GRXCR1: variants seen among roughly 807,000 people sequenced by gnomAD.
The protein encoded by GRXCR1 is glutaredoxin and cysteine rich domain containing 1.
A neutral mutation model predicts 27.3 loss-of-function variants in GRXCR1; 27 were observed. The observed-to-expected ratio is 0.99, with a 90% CI of 0.73 to 1.37. The LOEUF is 1.37. Among genes scored for constraint, GRXCR1 ranks in the 40% most tolerant of loss-of-function variants. The pLI is 0.00. For synonymous variants in GRXCR1, 122 were observed against 131.1 expected (o/e 0.93, Z 0.47); for missense variants, 379 against 354.4 (o/e 1.07, Z -0.56).
chr4:43,016,820 T>G (rs1712948055), intron 2 of GRXCR1, among the ~76,000 whole-genome samples: 1 of 152,218 alleles, frequency 6.6e-6, no homozygotes, highest in Admixed American at 6.5e-5. Flanking sequence ...TCTGGCAATC[T>G]TAGTTGGCAG....
rs150247474 is a variant in GRXCR1 at position 42,898,564 on chromosome 4, C to T, written c.384+4914C>T. Among the ~76,000 whole-genome samples the T allele has an allele frequency of 3.2e-3, 487 of 152,116 alleles. 1 individual carries two copies. Among genetic ancestry groups the T allele is most frequent in the Non-Finnish European group, 4.3e-3 (289 of 67,968 alleles). On this transcript the variant is annotated intron_variant, in intron 1 of 3. Transcript: ENST00000399770. Reference sequence around the variant, plus strand: ...AAAAACAAGGTGATATTCTTGATGACTCCTTAGTCCCAGTGGTTCATTTGG... The same window carrying T: ...AAAAACAAGGTGATATTCTTGATGATTCCTTAGTCCCAGTGGTTCATTTGG...
intron 1 of GRXCR1, among the ~76,000 whole-genome samples, chr4:42,910,971 T>C (rs1746711020): frequency 6.6e-6 from 1 of 152,182 alleles, no homozygotes; most frequent in African/African-American, 2.4e-5. Flanking sequence ...AAGTCTTCTA[T>C]AGCTCTTGTA....
chr4:43,006,930 G>A (rs1452249185), intron 2 of GRXCR1, among the ~76,000 whole-genome samples: 2 of 152,078 alleles, frequency 1.3e-5, no homozygotes, highest in African/African-American at 4.8e-5. Context: ...TTCTCAAGCT[G>A]GCTGACACTT....
At chr4:43,028,399 A>G (rs539251704) in intron 3 of GRXCR1, among the ~76,000 whole-genome samples, 1 of 152,246 alleles carries the variant, frequency 6.6e-6, no homozygotes, top group African/African-American at 2.4e-5. Context: ...AAATCTGACA[A>G]CTCTACTTTA....
intron 1 of GRXCR1, among the ~76,000 whole-genome samples, chr4:42,947,271 G>T (rs999463671): frequency 1.3e-5 from 2 of 151,994 alleles, no homozygotes; most frequent in Non-Finnish European, 2.9e-5. Flanking sequence ...GGGAAAGAGT[G>T]ACCCTAGCTG....
At chr4:42,945,442 T>TCTGCTTCTTCTTTCCTTC (rs1226836768) in intron 1 of GRXCR1, among the ~76,000 whole-genome samples, 32 of 152,190 alleles carry the variant, frequency 2.1e-4, no homozygotes, top group Non-Finnish European at 3.4e-4. Flanking sequence ...TTTTTTCCTT[T>TCTGCTTCTTCTTTCCTTC]CTGCTTCTTC....
chr4:42,932,233 C>G (rs1397048424), intron 1 of GRXCR1, among the ~76,000 whole-genome samples: 1 of 151,754 alleles, frequency 6.6e-6, no homozygotes, highest in Admixed American at 6.6e-5. Context: ...CGCTGCCCTC[C>G]TCTTGATGTA....
chr4:42,968,799 C>T (rs1042462569), intron 2 of GRXCR1, among the ~76,000 whole-genome samples: 15 of 151,996 alleles, frequency 9.9e-5, no homozygotes, highest in African/African-American at 3.6e-4. Flanking sequence ...TCAGGAATCT[C>T]ACCCAACTTC....
intron 2 of GRXCR1, among the ~76,000 whole-genome samples, chr4:42,995,012 T>C (rs1352075779): frequency 6.6e-6 from 1 of 152,184 alleles, no homozygotes; most frequent in Non-Finnish European, 1.5e-5. Flanking sequence ...TATGGTGACA[T>C]TCACAATAAA....
At chr4:42,927,999 C>T (rs1577908866) in intron 1 of GRXCR1, among the ~76,000 whole-genome samples, 1 of 151,938 alleles carries the variant, frequency 6.6e-6, no homozygotes, top group East Asian at 1.9e-4. Flanking sequence ...GAGCTCAATC[C>T]TGTATAGAAC....
At chr4:42,960,285 A>C (rs1357807892) in intron 1 of GRXCR1, among the ~76,000 whole-genome samples, 1 of 152,016 alleles carries the variant, frequency 6.6e-6, no homozygotes, top group Non-Finnish European at 1.5e-5. Context: ...ATGCAGTAAT[A>C]GTAGTCTTTG....
intron 1 of GRXCR1, among the ~76,000 whole-genome samples, chr4:42,926,717 G>A (rs542378676): frequency 6.6e-6 from 1 of 151,882 alleles, no homozygotes; most frequent in South Asian, 2.1e-4. Flanking sequence ...CTCTAATTGG[G>A]GATGATAGCT....
At chr4:43,018,205 TG>T (rs887635985) in intron 2 of GRXCR1, among the ~76,000 whole-genome samples, 14 of 152,092 alleles carry the variant, frequency 9.2e-5, no homozygotes, top group African/African-American at 3.1e-4. Context: ...GCATGTGGCA[TG>T]GGGACCAAAG....
At chr4:42,954,784 T>C (rs375612805) in intron 1 of GRXCR1, among the ~76,000 whole-genome samples, 42 of 151,350 alleles carry the variant, frequency 2.8e-4, no homozygotes, top group African/African-American at 1.0e-3. Context: ...GAATAGAGAG[T>C]ATGGTTAGAA....
At chr4:42,895,263 G>GA (rs943601656) in intron 1 of GRXCR1, among the ~76,000 whole-genome samples, 17 of 151,950 alleles carry the variant, frequency 1.1e-4, no homozygotes, top group African/African-American at 3.9e-4. Context: ...CCCATTTTGA[G>GA]AAAAAAGCAA....
intron 1 of GRXCR1, among the ~76,000 whole-genome samples, chr4:42,897,303 AT>A (rs1456928743): frequency 6.6e-6 from 1 of 152,038 alleles, no homozygotes; most frequent in Non-Finnish European, 1.5e-5. Context: ...TCAGACAGCG[AT>A]TTTTTTCTTG....
At chr4:43,022,392 C>T (rs1713123222) in intron 3 of GRXCR1, among the ~76,000 whole-genome samples, 1 of 152,068 alleles carries the variant, frequency 6.6e-6, no homozygotes. Flanking sequence ...ATCAACAGTA[C>T]CATGGTAGAT....
intron 1 of GRXCR1, among the ~76,000 whole-genome samples, chr4:42,922,346 G>A (rs1181290274): frequency 1.3e-5 from 2 of 152,040 alleles, no homozygotes; most frequent in Non-Finnish European, 2.9e-5. Context: ...TCCTACACCT[G>A]TGTGTGGTCA....
chr4:42,953,527 G>C (rs542295892), intron 1 of GRXCR1, among the ~76,000 whole-genome samples: 3 of 152,266 alleles, frequency 2.0e-5, no homozygotes, highest in Non-Finnish European at 2.9e-5. Context: ...TACAGCCCCA[G>C]GCTTCTAGTT....
Sources: gnomAD v4.1 joint callset for allele counts (sites outside exome capture counted in the v4.1 genomes callset) on GRCh38, gnomAD v4.1.1 for gene constraint, MANE v1.5 for transcripts, NCBI Gene and HGNC (gene_info 2026-07-23, HGNC 2026-07-21) for gene names.